Variants in ITFG1 observed in about 807,000 individuals in gnomAD.
ITFG1 encodes integrin alpha FG-GAP repeat containing 1.
ITFG1 carries 34 observed loss-of-function variants against 81.8 expected under a neutral mutation model. That is an observed-to-expected ratio of 0.42 (90% CI 0.32 to 0.55). The LOEUF is 0.55. Among genes scored for constraint, ITFG1 ranks in the 20% least tolerant of loss-of-function variants. The pLI is 0.17. For synonymous variants in ITFG1, 285 were observed against 270.6 expected (o/e 1.05, Z -0.52); for missense variants, 672 against 755.4 (o/e 0.89, Z 1.29).
intron 5 of ITFG1, among the ~76,000 whole-genome samples, chr16:47,444,036 T>A (rs1175672549): frequency 6.6e-6 from 1 of 152,210 alleles, no homozygotes; most frequent in Admixed American, 6.5e-5. Flanking sequence ...AAAAGCTGTT[T>A]CCAAATGAAA....
chr16:47,385,261 GCA>G (rs2151593790), intron 6 of ITFG1, among the ~76,000 whole-genome samples: 1 of 152,120 alleles, frequency 6.6e-6, no homozygotes, highest in Non-Finnish European at 1.5e-5. Flanking sequence ...AAATAATGAG[GCA>G]CACTCATGGC....
Position 47,258,918 on chromosome 16 carries a change from G to C in ITFG1, c.1222-178C>G, listed in dbSNP as rs1373608134. Among the ~76,000 whole-genome samples, 3 of 152,240 alleles carry C rather than the reference G, an allele frequency of 2.0e-5. No homozygotes were observed. In the East Asian group the frequency reaches 5.8e-4, roughly 29 times the overall value. ...TAGTATATACACCCAAGTTTCAATAGTAAAATATAAATAAAATAAAAAACA... is the reference window on the plus strand; with the variant it reads ...TAGTATATACACCCAAGTTTCAATACTAAAATATAAATAAAATAAAAAACA... On this transcript the variant is annotated intron_variant, in intron 11 of 17. Transcript: ENST00000320640.
At chr16:47,322,251 T>C (rs1185138454) in intron 8 of ITFG1, among the ~76,000 whole-genome samples, 1 of 152,176 alleles carries the variant, frequency 6.6e-6, no homozygotes, top group South Asian at 2.1e-4. Context: ...CTGTCAGACA[T>C]AGTAACGCTG....
chr16:47,192,191 CT>C (rs1965301412), intron 14 of ITFG1, among the ~76,000 whole-genome samples: 1 of 152,156 alleles, frequency 6.6e-6, no homozygotes, highest in Non-Finnish European at 1.5e-5. Context: ...TTTGTTTTGC[CT>C]TTTAGTGTGG....
At chr16:47,325,074 T>C (rs1967513356) in intron 8 of ITFG1, among the ~76,000 whole-genome samples, 1 of 152,100 alleles carries the variant, frequency 6.6e-6, no homozygotes, top group Admixed American at 6.5e-5. Flanking sequence ...ACTGACCACA[T>C]AGTTGGAAGT....
At chr16:47,278,487 T>C (rs1038051116) in intron 10 of ITFG1, among the ~76,000 whole-genome samples, 4 of 152,186 alleles carry the variant, frequency 2.6e-5, no homozygotes, top group African/African-American at 9.6e-5. Flanking sequence ...TAGAGCATTA[T>C]GCACAAGTGT....
intron 10 of ITFG1, chr16:47,300,095 ATGGTC>A (rs1417627145): frequency 6.6e-6 from 1 of 152,184 alleles, no homozygotes; most frequent in East Asian, 1.9e-4. Flanking sequence ...GTACTCTCCT[ATGGTC>A]TGGATTGTAT....
At chr16:47,321,545 A>G (rs907667250) in intron 8 of ITFG1, among the ~76,000 whole-genome samples, 2 of 152,186 alleles carry the variant, frequency 1.3e-5, no homozygotes, top group African/African-American at 4.8e-5. Flanking sequence ...AAAAGTACAG[A>G]ATGGGGCATG....
At chr16:47,442,614 G>C (rs1969268024) in intron 5 of ITFG1, among the ~76,000 whole-genome samples, 2 of 152,264 alleles carry the variant, frequency 1.3e-5, no homozygotes, top group African/African-American at 2.4e-5. Context: ...ACAACTATCT[G>C]ATCTTTGACA....
chr16:47,388,131 A>G (rs1968485689), intron 6 of ITFG1, among the ~76,000 whole-genome samples: 1 of 152,304 alleles, frequency 6.6e-6, no homozygotes, highest in African/African-American at 2.4e-5. Flanking sequence ...TTCATGACAG[A>G]TTAAGCAGCC....
At chr16:47,196,122 G>T (rs2151519004) in intron 14 of ITFG1, among the ~76,000 whole-genome samples, 1 of 151,064 alleles carries the variant, frequency 6.6e-6, no homozygotes, top group Admixed American at 6.6e-5. Context: ...TCTGCTATAG[G>T]TATTTTTTCC....
intron 12 of ITFG1, among the ~76,000 whole-genome samples, chr16:47,252,679 C>T (rs1966091703): frequency 6.6e-6 from 1 of 152,198 alleles, no homozygotes; most frequent in Non-Finnish European, 1.5e-5. Context: ...AGCAGAAGGG[C>T]AGTTTACATT....
At chr16:47,162,249 G>T (rs1020191618) in intron 15 of ITFG1, among the ~76,000 whole-genome samples, 2 of 151,892 alleles carry the variant, frequency 1.3e-5, no homozygotes, top group Middle Eastern at 3.4e-3. Flanking sequence ...AAATATTTAT[G>T]TACACGTTAG....
chr16:47,202,039 T>C (rs565727741), intron 14 of ITFG1: 21 of 152,332 alleles, frequency 1.4e-4, no homozygotes, highest in Admixed American at 3.9e-4. Flanking sequence ...GTGTTACTTA[T>C]AGTCCCAGAT....
intron 13 of ITFG1, among the ~76,000 whole-genome samples, chr16:47,226,164 G>A (rs1244297659): frequency 6.6e-6 from 1 of 152,202 alleles, no homozygotes; most frequent in Non-Finnish European, 1.5e-5. Context: ...TTGTTTCTAA[G>A]TTACGATGTT....
intron 6 of ITFG1, among the ~76,000 whole-genome samples, chr16:47,397,204 C>T (rs1483150358): frequency 6.6e-6 from 1 of 152,100 alleles, no homozygotes; most frequent in Non-Finnish European, 1.5e-5. Context: ...ACGGGGGATG[C>T]TTCCACAACT....
intron 6 of ITFG1, among the ~76,000 whole-genome samples, chr16:47,409,389 TATATATA>T (rs1968773140): frequency 2.6e-4 from 4 of 15,510 alleles, no homozygotes; most frequent in African/African-American, 8.7e-4. Flanking sequence ...TATATATATA[TATATATA>T]TATATATATT....
chr16:47,323,097 T>A (rs1398243024), intron 8 of ITFG1, among the ~76,000 whole-genome samples: 1 of 152,148 alleles, frequency 6.6e-6, no homozygotes, highest in East Asian at 1.9e-4. Context: ...ACTACTATTA[T>A]GATTTGAATA....
intron 14 of ITFG1, among the ~76,000 whole-genome samples, chr16:47,168,660 T>C (rs1455496212): frequency 6.6e-6 from 1 of 151,640 alleles, no homozygotes; most frequent in Admixed American, 6.6e-5. Context: ...AGTTCTGGGA[T>C]TACAGGCATG....
Sources: gnomAD v4.1 joint callset for allele counts (sites outside exome capture counted in the v4.1 genomes callset) on GRCh38, gnomAD v4.1.1 for gene constraint, MANE v1.5 for transcripts, NCBI Gene and HGNC (gene_info 2026-07-23, HGNC 2026-07-21) for gene names.